The following LPAR6 variants were observed in gnomAD, a reference collection of about 807,000 sequenced individuals.
LPAR6 encodes lysophosphatidic acid receptor 6.
In LPAR6, 17 loss-of-function variants were observed where a neutral mutation model predicts 22.0. That is an observed-to-expected ratio of 0.77 (90% CI 0.53 to 1.16). The LOEUF is 1.16. Ranked by LOEUF, LPAR6 falls within the 50% of genes most tolerant of loss-of-function variation. The probability of loss-of-function intolerance (pLI) is 0.00; values close to 1 mark genes in which losing one functional copy is unlikely to be tolerated. For missense variants in LPAR6, 384 were observed against 406.9 expected (o/e 0.94, Z 0.48); for synonymous variants, 136 against 139.8 (o/e 0.97, Z 0.19).
At chr13:48,407,516 TAAA>T (rs1294054023), downstream of LPAR6, among the ~76,000 whole-genome samples, 1 of 152,188 alleles carries the variant, frequency 6.6e-6, no homozygotes, top group African/African-American at 2.4e-5. Flanking sequence ...TGACATCAAG[TAAA>T]AATGATAAAG....
intron 1 of LPAR6, chr13:48,401,547 C>T (rs1246309075): frequency 6.6e-6 from 1 of 152,160 alleles, no homozygotes; most frequent in Non-Finnish European, 1.5e-5. Flanking sequence ...TTTCATTTTT[C>T]CAACTATTTA....
chr13:48,408,058 C>T (rs999888480), downstream of LPAR6, among the ~76,000 whole-genome samples: 1 of 151,934 alleles, frequency 6.6e-6, no homozygotes, highest in Non-Finnish European at 1.5e-5. Context: ...CATTCATGAA[C>T]CAAATGTTTC....
chr13:48,417,846 C>A (rs1008310264), upstream of LPAR6, among the ~76,000 whole-genome samples: 1 of 152,080 alleles, frequency 6.6e-6, no homozygotes, highest in Non-Finnish European at 1.5e-5. Flanking sequence ...TGAAAAGAAA[C>A]GAACAAAGCC....
intron 1 of LPAR6, among the ~76,000 whole-genome samples, chr13:48,395,885 C>T (rs1948644094): frequency 6.6e-6 from 1 of 152,042 alleles, no homozygotes; most frequent in Non-Finnish European, 1.5e-5. Flanking sequence ...CAGGGAACAC[C>T]ACAAAGATAC....
At position 48,411,367 on chromosome 13, in the gene LPAR6, A is replaced by G. The variant is rs199942001; in HGVS notation, c.*22T>C. 1.1e-4 allele frequency: 172 copies of G among 1,583,616 alleles called. No individual in the cohort carries two copies. The highest frequency in any genetic ancestry group is 2.2e-4 in the East Asian group (10 of 44,682). Reference sequence around the variant, plus strand: ...TGAAGGAACTTGAAAGTTCTGTCCCAGTGAGTCCTAATGGTTTTATTTCAG... The same window carrying G: ...TGAAGGAACTTGAAAGTTCTGTCCCGGTGAGTCCTAATGGTTTTATTTCAG... On this transcript the variant is annotated 3_prime_UTR_variant, in exon 1 of 1. Transcript: ENST00000620633.
chr13:48,433,726 A>T (rs1198187681), intron 1 of LPAR6, among the ~76,000 whole-genome samples: 1 of 152,004 alleles, frequency 6.6e-6, no homozygotes, highest in African/African-American at 2.4e-5. Flanking sequence ...GTATTACAAA[A>T]CAATGATATC....
downstream of LPAR6, among the ~76,000 whole-genome samples, chr13:48,410,046 A>G (rs1473888883): frequency 6.6e-6 from 1 of 152,170 alleles, no homozygotes; most frequent in East Asian, 1.9e-4. Context: ...TTATAATGTA[A>G]GGAACTGTGT....
In LPAR6 at chr13:48,412,320, T is replaced by C. The variant is rs1948828415; in HGVS notation, c.104A>G (p.Asn35Ser). Reference protein sequence around the residue: ...SMVFVLGLISNCVAIYIFICV... With the variant: ...SMVFVLGLISSCVAIYIFICV... Reference sequence around the variant, plus strand: ...GATGAAAATGTATATGGCAACACAATTGGATATTAACCCAAGCACAAACAC... The same window carrying C: ...GATGAAAATGTATATGGCAACACAACTGGATATTAACCCAAGCACAAACAC... The change falls in exon 1 of 1, where the codon AAT becomes AGT. Residue 35 changes from asparagine (N) to serine (S), a missense_variant. Coordinates refer to ENST00000620633, the MANE Select transcript of LPAR6 (RefSeq NM_001162498.3). 4 of 1,613,130 alleles carry C rather than the reference T, an allele frequency of 2.5e-6. No homozygotes were observed. Among genetic ancestry groups the C allele is most frequent in the Non-Finnish European group, 3.4e-6 (4 of 1,179,132 alleles).
chr13:48,432,100 C>T (rs1357774134), intron 1 of LPAR6, among the ~76,000 whole-genome samples: 1 of 152,050 alleles, frequency 6.6e-6, no homozygotes, highest in Non-Finnish European at 1.5e-5. Context: ...AGGGGGTGGG[C>T]TTTTACTGTT....
intron 1 of LPAR6, among the ~76,000 whole-genome samples, chr13:48,400,706 T>G (rs967474069): frequency 3.9e-5 from 6 of 152,134 alleles, no homozygotes; most frequent in Non-Finnish European, 7.4e-5. Flanking sequence ...TGTCTCTGTA[T>G]CTCAGGTTTC....
chr13:48,444,000 T>C (rs1593522574), intron 1 of LPAR6, among the ~76,000 whole-genome samples: 1 of 152,112 alleles, frequency 6.6e-6, no homozygotes, highest in African/African-American at 2.4e-5. Context: ...TGGGTTTTTT[T>C]CCCCACACAC....
At chr13:48,429,293 T>C (rs1330153912), upstream of LPAR6, 2 of 152,226 alleles carry the variant, frequency 1.3e-5, no homozygotes, top group Non-Finnish European at 2.9e-5. Flanking sequence ...CACATGCCTG[T>C]AGTCCCAGCT....
chr13:48,428,753 A>C (rs1313355873), upstream of LPAR6, among the ~76,000 whole-genome samples: 1 of 152,216 alleles, frequency 6.6e-6, no homozygotes. Context: ...TTGCATTTGT[A>C]CATAGTAATG....
chr13:48,390,302 G>A (rs1019515502), intron 1 of LPAR6, among the ~76,000 whole-genome samples: 2 of 152,170 alleles, frequency 1.3e-5, no homozygotes, highest in African/African-American at 4.8e-5. Context: ...GAATGAAAGT[G>A]TAGGAGGTTG....
intron 1 of LPAR6, among the ~76,000 whole-genome samples, chr13:48,438,777 G>T (rs1335489865): frequency 6.6e-6 from 1 of 152,058 alleles, no homozygotes; most frequent in East Asian, 1.9e-4. Flanking sequence ...AATGTGGTTG[G>T]TGCTATGTCT....
chr13:48,433,728 A>T (rs1949154617), intron 1 of LPAR6, among the ~76,000 whole-genome samples: 1 of 151,934 alleles, frequency 6.6e-6, no homozygotes, highest in African/African-American at 2.4e-5. Context: ...ATTACAAAAC[A>T]ATGATATCTT....
At chr13:48,425,818 T>C (rs1318871629) in intron 1 of LPAR6, among the ~76,000 whole-genome samples, 1 of 152,204 alleles carries the variant, frequency 6.6e-6, no homozygotes, top group Non-Finnish European at 1.5e-5. Flanking sequence ...TAATTCAGTC[T>C]CCCCACTAAT....
downstream of LPAR6, among the ~76,000 whole-genome samples, chr13:48,407,134 A>G (rs1948747273): frequency 6.6e-6 from 1 of 152,230 alleles, no homozygotes; most frequent in Non-Finnish European, 1.5e-5. Flanking sequence ...CGCTGCTGTA[A>G]GTATACAACA....
At chr13:48,425,352 A>T (rs1440354795) in intron 1 of LPAR6, among the ~76,000 whole-genome samples, 1 of 152,240 alleles carries the variant, frequency 6.6e-6, no homozygotes, top group Admixed American at 6.5e-5. Flanking sequence ...CAAGGATGCT[A>T]TGTAACCTAG....
Sources: gnomAD v4.1 joint callset for allele counts (sites outside exome capture counted in the v4.1 genomes callset) on GRCh38, gnomAD v4.1.1 for gene constraint, MANE v1.5 for transcripts, NCBI Gene and HGNC (gene_info 2026-07-23, HGNC 2026-07-21) for gene names.